The following DOCK4 variants were observed in gnomAD, a reference collection of about 807,000 sequenced individuals.
The protein encoded by DOCK4 is dedicator of cytokinesis 4.
DOCK4 carries 97 observed loss-of-function variants against 268.1 expected under a neutral mutation model. The observed-to-expected ratio is 0.36, with a 90% CI of 0.31 to 0.43. DOCK4 has a LOEUF of 0.43. DOCK4 is among the 20% of genes least tolerant of loss of function. The pLI, the probability that DOCK4 is intolerant of heterozygous loss-of-function variation, is 1.00. For synonymous variants in DOCK4, 954 were observed against 887.2 expected (o/e 1.08, Z -1.34); for missense variants, 2,145 against 2,455.7 (o/e 0.87, Z 2.67).
intron 22 of DOCK4, among the ~76,000 whole-genome samples, chr7:111,865,111 A>AT (rs1199915315): frequency 1.3e-5 from 2 of 152,246 alleles, no homozygotes; most frequent in African/African-American, 4.8e-5. Flanking sequence ...ACAGGGAAAG[A>AT]TAACTATTGG....
At chr7:111,905,769 C>T (rs1791518140) in intron 13 of DOCK4, among the ~76,000 whole-genome samples, 1 of 150,990 alleles carries the variant, frequency 6.6e-6, no homozygotes, top group South Asian at 2.1e-4. Flanking sequence ...AGTTATGGAA[C>T]CAAATAAAAT....
intron 1 of DOCK4, among the ~76,000 whole-genome samples, chr7:112,189,285 G>A (rs1214419371): frequency 3.4e-5 from 1 of 29,414 alleles, no homozygotes. Context: ...CTCTTATTCT[G>A]GAAAAAAAAA....
rs1821397795 is a variant in DOCK4 at position 112,206,225 on chromosome 7, T to C, written c.-87A>G. The C allele has an allele frequency of 3.5e-6, 5 of 1,431,272 alleles. No homozygotes were observed. Among genetic ancestry groups the C allele is most frequent in the South Asian group, 2.5e-5 (2 of 81,528 alleles). The allele number at this position is 1,431,272 out of a possible 1,614,324, so 88.7% of individuals were successfully genotyped here. ...ACAATGCACAGTCCCCGAGCAGCGC[T>C]GCAGTGCCGGAGCCCAGCGGCTTCG... is the stretch of plus-strand genomic sequence containing the variant. On this transcript the variant is annotated 5_prime_UTR_variant, in exon 1 of 53. Coordinates refer to ENST00000428084, the MANE Select transcript of DOCK4 (RefSeq NM_001363540.2).
intron 1 of DOCK4, among the ~76,000 whole-genome samples, chr7:112,068,430 G>C (rs1049021277): frequency 6.6e-6 from 1 of 152,120 alleles, no homozygotes; most frequent in Admixed American, 6.6e-5. Context: ...TCCCTTCTAC[G>C]TATGTGAATG....
intron 13 of DOCK4, among the ~76,000 whole-genome samples, chr7:111,914,364 G>A (rs528956174): frequency 1.3e-5 from 2 of 152,260 alleles, no homozygotes; most frequent in South Asian, 4.2e-4. Context: ...CAGTGATCCT[G>A]TGGCAATGTA....
intron 16 of DOCK4, among the ~76,000 whole-genome samples, chr7:111,881,024 A>C (rs1807339725): frequency 6.6e-6 from 1 of 152,168 alleles, no homozygotes; most frequent in African/African-American, 2.4e-5. Context: ...CTGGGCAAAA[A>C]TTTCTTGAGC....
intron 1 of DOCK4, among the ~76,000 whole-genome samples, chr7:112,041,459 G>C (rs1246627773): frequency 6.6e-6 from 1 of 151,982 alleles, no homozygotes; most frequent in South Asian, 2.1e-4. Flanking sequence ...AAGGTTGGTG[G>C]GGTCTTTGAC....
At chr7:112,152,824 C>G (rs1481476139) in intron 1 of DOCK4, among the ~76,000 whole-genome samples, 2 of 152,064 alleles carry the variant, frequency 1.3e-5, no homozygotes, top group Non-Finnish European at 2.9e-5. Context: ...ATAATTTACA[C>G]ACACTAAGCC....
intron 51 of DOCK4, 127 bp from the exon 52 acceptor site, chr7:111,732,414 G>T: frequency 1.1e-6 from 1 of 917,630 alleles, no homozygotes; most frequent in Non-Finnish European, 1.7e-6. Context: ...AGCAAAGGGG[G>T]TGGTGAGGAT....
intron 12 of DOCK4, among the ~76,000 whole-genome samples, chr7:111,927,340 A>G (rs1793802593): frequency 6.6e-6 from 1 of 152,242 alleles, no homozygotes; most frequent in African/African-American, 2.4e-5. Flanking sequence ...GTTATAAAGA[A>G]CATAAGATTG....
intron 1 of DOCK4, among the ~76,000 whole-genome samples, chr7:112,019,583 T>C (rs566766718): frequency 1.2e-4 from 18 of 152,244 alleles, no homozygotes; most frequent in Non-Finnish European, 1.8e-4. Flanking sequence ...ACACTGACCA[T>C]AGGCCATCAA....
Position 112,105,489 on chromosome 7 carries a change from C to T in DOCK4, c.37+100613G>A, listed in dbSNP as rs113525359. Among the ~76,000 whole-genome samples, 108 of 151,290 alleles carry T rather than the reference C, an allele frequency of 7.1e-4. 1 individual carries two copies. The highest frequency in any genetic ancestry group is 2.5e-3 in the African/African-American group (102 of 41,152). ...TGAAATAAAAATGTGAACATTGTAA[C>T]TATATGAGTTAACTTGGATAAACTA... On this transcript the variant is annotated intron_variant, in intron 1 of 52. Coordinates refer to ENST00000428084, the MANE Select transcript of DOCK4 (RefSeq NM_001363540.2).
intron 1 of DOCK4, among the ~76,000 whole-genome samples, chr7:112,185,837 G>A (rs939106249): frequency 1.3e-5 from 2 of 152,218 alleles, no homozygotes; most frequent in African/African-American, 4.8e-5. Context: ...GCGGAATCCA[G>A]TCTTTTATAG....
At chr7:111,961,715 C>T (rs556723397) in intron 8 of DOCK4, among the ~76,000 whole-genome samples, 1 of 152,256 alleles carries the variant, frequency 6.6e-6, no homozygotes, top group South Asian at 2.1e-4. Context: ...CACTCAATGT[C>T]CTAGACCATT....
intron 1 of DOCK4, among the ~76,000 whole-genome samples, chr7:112,029,539 T>C (rs1240571558): frequency 6.6e-6 from 1 of 152,222 alleles, no homozygotes; most frequent in African/African-American, 2.4e-5. Flanking sequence ...TTTTGCAAAG[T>C]CAAACTGAGG....
intron 40 of DOCK4, 37 bp downstream of exon 40, chr7:111,760,144 C>T (rs1158109820): frequency 6.2e-7 from 1 of 1,605,946 alleles, no homozygotes; most frequent in East Asian, 2.2e-5. Flanking sequence ...AGAGCCAGTG[C>T]AATCTCACTG....
chr7:112,024,625 G>T (rs149932209), intron 1 of DOCK4, among the ~76,000 whole-genome samples: 2 of 152,058 alleles, frequency 1.3e-5, no homozygotes, highest in Non-Finnish European at 2.9e-5. Context: ...TACCATCATG[G>T]GTAGCCTGGA....
intron 8 of DOCK4, among the ~76,000 whole-genome samples, chr7:111,946,673 C>T (rs771574718): frequency 8.3e-4 from 127 of 152,156 alleles, no homozygotes; most frequent in Non-Finnish European, 6.8e-4. Flanking sequence ...TTTCTGCCTC[C>T]TGGATTCAAG....
At chr7:112,158,049 T>C (rs1453670923) in intron 1 of DOCK4, among the ~76,000 whole-genome samples, 1 of 152,212 alleles carries the variant, frequency 6.6e-6, no homozygotes, top group African/African-American at 2.4e-5. Context: ...ACTATAATAA[T>C]ACTGAAATGC....
Sources: allele counts gnomAD v4.1 joint callset (sites outside exome capture counted in the v4.1 genomes callset), GRCh38; gene constraint gnomAD v4.1.1; transcripts MANE v1.5; gene names NCBI Gene and HGNC (gene_info 2026-07-23, HGNC 2026-07-21).